Variants in GIN1 observed in about 807,000 individuals in gnomAD.
GIN1 encodes gypsy retrotransposon integrase 1.
In GIN1, 41 loss-of-function variants were observed where a neutral mutation model predicts 51.4. That is an observed-to-expected ratio of 0.80 (90% confidence interval 0.62 to 1.04). GIN1 has a LOEUF of 1.04. Ranked by LOEUF, GIN1 falls within the 50% of genes least tolerant of loss-of-function variation. The pLI is 0.00. For missense variants in GIN1, 610 were observed against 612.4 expected (o/e 1.00, Z 0.04); for synonymous variants, 222 against 206.5 (o/e 1.07, Z -0.64).
At position 103,104,909 on chromosome 5, in the gene GIN1, C is replaced by G. The variant is rs79295786; in HGVS notation, c.334-63G>C. ...GTTAACACTCAACACAATATAAAAG[C>G]AGTCTTATAAATCTGAATTTTAAAA... On this transcript the variant is annotated intron_variant, in intron 3 of 7. Coordinates refer to ENST00000399004, the MANE Select transcript of GIN1 (RefSeq NM_017676.2). 1,418 of 1,010,678 alleles carry G rather than the reference C, an allele frequency of 1.4e-3. 11 individuals are homozygous for G. In the African/African-American group the frequency reaches 0.02, roughly 14 times the overall value. The allele number at this position is 1,010,678 out of a possible 1,614,324, so 62.6% of individuals were successfully genotyped here. A position where few individuals can be genotyped will look rare whatever the true frequency, so the allele number is the denominator to read the frequency against.
At chr5:103,094,929 AC>A (rs782802852) in intron 7 of GIN1, among the ~76,000 whole-genome samples, 2 of 152,190 alleles carry the variant, frequency 1.3e-5, no homozygotes, top group Non-Finnish European at 2.9e-5. Context: ...TACTGACTAA[AC>A]AACTCGGTCT....
At chr5:103,110,367 T>A (rs782646966) in intron 1 of GIN1, among the ~76,000 whole-genome samples, 3 of 152,088 alleles carry the variant, frequency 2.0e-5, no homozygotes, top group Non-Finnish European at 4.4e-5. Flanking sequence ...AGACCCAGTG[T>A]ATGCAAGGAA....
chr5:103,113,344 G>A (rs1787937403), intron 1 of GIN1, among the ~76,000 whole-genome samples: 1 of 152,120 alleles, frequency 6.6e-6, no homozygotes, highest in African/African-American at 2.4e-5. Context: ...AGATCAAGAT[G>A]CCAGCAAATT....
intron 4 of GIN1, chr5:103,102,251 T>C (rs1020029575): frequency 6.6e-6 from 1 of 152,214 alleles, no homozygotes; most frequent in Non-Finnish European, 1.5e-5. Context: ...AGCAAATTGT[T>C]ACCTGTTAAT....
rs1554196114 is a variant in GIN1, at chr5:103,104,783, G to A, written c.397C>T (p.Leu133Phe). ...CTCCATGGATTTTCCACCTTGAGAA[G>A]GTGCTGTTTCGGTGCTACAATAACT... ...NTVIVAPKQH[L>F]LKVENPWSLV... Residue 133 changes from leucine (L) to phenylalanine (F), a missense_variant, in exon 4 of 8, where the codon CTT (leucine) becomes TTT (phenylalanine). Coordinates refer to ENST00000399004, the MANE Select transcript of GIN1 (RefSeq NM_017676.2). 3 of 1,612,230 alleles carry A rather than the reference G, an allele frequency of 1.9e-6. No homozygotes were observed.
rs1787679353 is a variant in GIN1 at position 103,104,809 on chromosome 5, G to A, written c.371C>T (p.Thr124Ile). The change falls in exon 4 of 8, where the codon ACA becomes ATA. Residue 124 changes from threonine (T) to isoleucine (I), a missense_variant. Coordinates refer to ENST00000399004, the MANE Select transcript of GIN1 (RefSeq NM_017676.2). ...GTGCTGTTTCGGTGCTACAATAACT[G>A]TATTTTTTGCCACTTGGCAATGCTG... Reference protein sequence around the residue: ...ACQHCQVAKNTVIVAPKQHLL... With the variant: ...ACQHCQVAKNIVIVAPKQHLL... 1 of 1,608,462 alleles carries A rather than the reference G, an allele frequency of 6.2e-7. No homozygotes were observed. The highest frequency in any genetic ancestry group is 1.3e-5 in the African/African-American group (1 of 74,866).
At position 103,088,105 on chromosome 5, in the gene GIN1, C is replaced by A. The variant is rs183830554; in HGVS notation, c.1362G>T (p.Pro454=). Residue 454 remains proline (P), a synonymous_variant, in exon 8 of 8, where the codon CCG becomes CCT. Coordinates refer to ENST00000399004, the MANE Select transcript of GIN1 (RefSeq NM_017676.2). ...DHDYIGLPEI[P]IGAYQANILV... is the part of the protein sequence containing the mutation. Reference sequence around the variant, plus strand: ...GAATATTTGCTTGATATGCTCCAATCGGAATTTCAGGCAATCCAATGTAGT... The same window carrying A: ...GAATATTTGCTTGATATGCTCCAATAGGAATTTCAGGCAATCCAATGTAGT... 2.5e-6 allele frequency: 4 copies of A among 1,608,410 alleles called. No individual in the cohort carries two copies. Among genetic ancestry groups the A allele is most frequent in the Non-Finnish European group, 3.4e-6 (4 of 1,175,294 alleles).
rs782694815 is a variant in GIN1, at chr5:103,096,791, G to A, written c.1044C>T (p.Ser348=). Residue 348 remains serine (S), a synonymous_variant, in exon 7 of 8, where the codon AGC becomes AGT. Transcript: ENST00000399004. ...TGGGTTTCTTTTTAACAATGATCTT[G>A]CTTTTATTTAGTTCATCCAAATTGT... ...ENNNLDELNK[S]KIIVKKKPKQ... The A allele has an allele frequency of 6.2e-7, 1 of 1,604,772 alleles. No homozygotes were observed. Among genetic ancestry groups the A allele is most frequent in the East Asian group, 2.2e-5 (1 of 44,794 alleles).
At chr5:103,101,889 G>T (rs1787585276) in intron 4 of GIN1, among the ~76,000 whole-genome samples, 1 of 152,134 alleles carries the variant, frequency 6.6e-6, no homozygotes, top group African/African-American at 2.4e-5. Flanking sequence ...CCCCAAACTG[G>T]ATGGCCTTTA....
At chr5:103,094,803 A>G (rs1390854108) in intron 7 of GIN1, among the ~76,000 whole-genome samples, 1 of 152,208 alleles carries the variant, frequency 6.6e-6, no homozygotes, top group African/African-American at 2.4e-5. Context: ...GAGAGAGATC[A>G]TTAAAGGTAG....
intron 1 of GIN1, among the ~76,000 whole-genome samples, chr5:103,113,130 T>C (rs1490390665): frequency 6.6e-6 from 1 of 152,162 alleles, no homozygotes; most frequent in East Asian, 1.9e-4. Context: ...CTCCTCTGTC[T>C]CTAATATGGT....
chr5:103,106,921 G>A lies in GIN1; in HGVS notation c.140-12C>T, dbSNP rs1787742904. The A allele has an allele frequency of 1.4e-6, 2 of 1,417,308 alleles. No homozygotes were observed. The highest frequency in any genetic ancestry group is 4.8e-5 in the East Asian group (2 of 41,662). The allele number at this position is 1,417,308 out of a possible 1,614,324, so 87.8% of individuals were successfully genotyped here. On this transcript the variant is annotated splice_polypyrimidine_tract_variant and intron_variant, in intron 2 of 7. Coordinates refer to ENST00000399004, the MANE Select transcript of GIN1 (RefSeq NM_017676.2). ...AAACAGCTTTTTTTCTGGAATAAAT[G>A]ATACCAAAAGATAGAATTGCAATTT... is the stretch of plus-strand genomic sequence containing the variant.
intron 4 of GIN1, among the ~76,000 whole-genome samples, chr5:103,098,896 T>A (rs1407663344): frequency 6.6e-6 from 1 of 152,320 alleles, no homozygotes; most frequent in African/African-American, 2.4e-5. Context: ...CTATTATTGG[T>A]GTTACTATAT....
In GIN1 at chr5:103,096,811, A is replaced by G. The variant is rs1554195136; in HGVS notation, c.1024T>C (p.Leu342=). 1.3e-6 allele frequency: 2 copies of G among 1,591,886 alleles called. No homozygotes were observed. The highest frequency in any genetic ancestry group is 2.7e-5 in the African/African-American group (2 of 74,406). Residue 342 remains leucine, a synonymous_variant, in exon 7 of 8, where the codon TTG becomes CTG. Transcript: ENST00000399004. The stretch of plus-strand genomic sequence containing the variant: ...ATCTTGCTTTTATTTAGTTCATCCA[A>G]ATTGTTGTTCTCCATCTACAAGTGT... ...TSLGQMENNN[L]DELNKSKIIV...
Position 103,097,707 on chromosome 5 carries a change from T to C in GIN1, c.714A>G (p.Pro238=), listed in dbSNP as rs142905985. The change falls in exon 5 of 8, where the codon CCA becomes CCG. Residue 238 remains proline (P), a synonymous_variant. Coordinates refer to ENST00000399004, the MANE Select transcript of GIN1 (RefSeq NM_017676.2). ...VISHTSGTVN[P]TESTPNTIKA... is the part of the protein sequence containing the mutation. Reference sequence around the variant, plus strand: ...TGATTGTGTTAGGTGTACTTTCCGTTGGGTTAACAGTTCCAGAGGTGTGAG... The same window carrying C: ...TGATTGTGTTAGGTGTACTTTCCGTCGGGTTAACAGTTCCAGAGGTGTGAG... 1.4e-4 allele frequency: 230 copies of C among 1,594,332 alleles called. No individual in the cohort carries two copies. The African/African-American group carries it at 2.6e-3, about 18-fold the overall frequency.
chr5:103,090,106 C>T (rs144215717), intron 7 of GIN1, among the ~76,000 whole-genome samples: 4,802 of 152,292 alleles, frequency 0.032, 107 homozygotes, highest in Non-Finnish European at 0.048. Flanking sequence ...CTGGCTAACA[C>T]GGTGAAACCC....
intron 7 of GIN1, among the ~76,000 whole-genome samples, chr5:103,095,366 T>C (rs967968931): frequency 1.1e-4 from 16 of 152,004 alleles, no homozygotes; most frequent in African/African-American, 3.1e-4. Flanking sequence ...TCAGAATGAG[T>C]CAAATTTAGG....
rs1554196302 is a variant in GIN1 at position 103,106,737 on chromosome 5, C to A, written c.312G>T (p.Val104=). 6.3e-7 allele frequency: 1 copy of A among 1,593,740 alleles called. No individual in the cohort carries two copies. The highest frequency in any genetic ancestry group is 8.6e-7 in the Non-Finnish European group (1 of 1,168,892). The part of the protein sequence containing the change: ...LVESNYYWTS[V]TNDVKQWVYA... Reference sequence around the variant, plus strand: ...ATACCCACTGTTTGACATCATTGGTCACAGATGTCCAATAATAATTGGATT... The same window carrying A: ...ATACCCACTGTTTGACATCATTGGTAACAGATGTCCAATAATAATTGGATT... Residue 104 remains valine, a synonymous_variant, in exon 3 of 8, where the codon GTG becomes GTT. Coordinates refer to ENST00000399004, the MANE Select transcript of GIN1 (RefSeq NM_017676.2).
At chr5:103,090,985 GA>G (rs1787222983) in intron 7 of GIN1, among the ~76,000 whole-genome samples, 1 of 151,912 alleles carries the variant, frequency 6.6e-6, no homozygotes, top group African/African-American at 2.4e-5. Flanking sequence ...AAACTGTAGA[GA>G]ACAAGGACTA....
Sources: allele counts gnomAD v4.1 joint callset (sites outside exome capture counted in the v4.1 genomes callset), GRCh38; gene constraint gnomAD v4.1.1; transcripts MANE v1.5; gene names NCBI Gene and HGNC (gene_info 2026-07-23, HGNC 2026-07-21).